The following SVIL variants were observed in gnomAD, a reference collection of about 807,000 sequenced individuals.
SVIL encodes the protein archvillin.
SVIL carries 101 observed loss-of-function variants against 240.4 expected under a neutral mutation model. The observed-to-expected ratio is 0.42, with a 90% confidence interval of 0.36 to 0.50. The LOEUF (loss-of-function observed/expected upper bound fraction) is 0.50, where lower values mean the gene tolerates loss of function less well. Among genes scored for constraint, SVIL ranks in the 20% least tolerant of loss-of-function variants. The pLI is 0.01. For synonymous variants in SVIL, 999 were observed against 1,100.0 expected, an observed-to-expected ratio of 0.91 and a Z score of 1.82; for missense variants, 2,512 against 2,818.7, an observed-to-expected ratio of 0.89 and a Z score of 2.46.
intron 1 of SVIL, among the ~76,000 whole-genome samples, chr10:29,599,224 A>C (rs1589357949): frequency 6.6e-6 from 1 of 152,334 alleles, no homozygotes; most frequent in East Asian, 1.9e-4. Flanking sequence ...GATGAGAGCG[A>C]GGAACCTCAG....
chr10:29,481,133 G>GGGGTGTGTGT (rs573984701), intron 28 of SVIL, among the ~76,000 whole-genome samples: 2 of 141,324 alleles, frequency 1.4e-5, no homozygotes, highest in African/African-American at 5.3e-5. Context: ...TAGCTTTAAG[G>GGGGTGTGTGT]GTGTGTGTGT....
At chr10:29,605,344 T>A (rs959075093) in intron 1 of SVIL, among the ~76,000 whole-genome samples, 1 of 152,226 alleles carries the variant, frequency 6.6e-6, no homozygotes, top group Non-Finnish European at 1.5e-5. Context: ...CGCACCAGTT[T>A]ACATTCCCAT....
chr10:29,624,510 C>T (rs1046247536), intron 1 of SVIL, among the ~76,000 whole-genome samples: 1 of 152,146 alleles, frequency 6.6e-6, no homozygotes, highest in Admixed American at 6.5e-5. Context: ...TCAGCCTGGG[C>T]GACAGAGTGA....
At chr10:29,711,049 A>T (rs1204867959) in intron 1 of SVIL, among the ~76,000 whole-genome samples, 1 of 152,238 alleles carries the variant, frequency 6.6e-6, no homozygotes, top group Non-Finnish European at 1.5e-5. Flanking sequence ...GGAAATAGTC[A>T]AGGAGGCACA....
At chr10:29,642,725 C>T (rs1259372850) in intron 3 of SVIL, among the ~76,000 whole-genome samples, 2 of 152,076 alleles carry the variant, frequency 1.3e-5, no homozygotes, top group Non-Finnish European at 2.9e-5. Flanking sequence ...ACTCTGTCGC[C>T]CAGGCTGGAG....
At chr10:29,512,997 T>C in intron 16 of SVIL, 136 bp from the exon 17 acceptor site, 3 of 1,303,768 alleles carry the variant, frequency 2.3e-6, no homozygotes, top group Non-Finnish European at 3.1e-6. Context: ...TTGAATTTCA[T>C]TTATTCGGAA....
chr10:29,728,886 T>C (rs1263012120), intron 1 of SVIL, among the ~76,000 whole-genome samples: 1 of 151,072 alleles, frequency 6.6e-6, no homozygotes, highest in Non-Finnish European at 1.5e-5. Flanking sequence ...CCAAGGCAAA[T>C]GTGTCCCTAA....
intron 12 of SVIL, among the ~76,000 whole-genome samples, chr10:29,529,090 C>T (rs576094939): frequency 2.1e-5 from 3 of 143,564 alleles, no homozygotes; most frequent in South Asian, 2.2e-4. Flanking sequence ...GCAGGAGAAT[C>T]GCTTGAACCC....
At chr10:29,711,705 A>G (rs1341500929) in intron 1 of SVIL, among the ~76,000 whole-genome samples, 1 of 150,420 alleles carries the variant, frequency 6.6e-6, no homozygotes, top group Non-Finnish European at 1.5e-5. Context: ...GGTTGCAGTG[A>G]GCCGAGATCA....
intron 1 of SVIL, among the ~76,000 whole-genome samples, chr10:29,626,046 G>A (rs545600619): frequency 8.2e-4 from 125 of 152,294 alleles, no homozygotes; most frequent in African/African-American, 2.9e-3. Flanking sequence ...CTGGAGGTAG[G>A]AGAAATTGGA....
chr10:29,502,984 C>T (rs1949018074), intron 17 of SVIL, among the ~76,000 whole-genome samples: 1 of 152,150 alleles, frequency 6.6e-6, no homozygotes, highest in African/African-American at 2.4e-5. Context: ...AACTCTTCCA[C>T]AACCAGAGAG....
intron 1 of SVIL, among the ~76,000 whole-genome samples, chr10:29,726,924 CTTGT>C (rs1964326272): frequency 6.6e-6 from 1 of 152,134 alleles, no homozygotes; most frequent in Admixed American, 6.5e-5. Context: ...AACACCTATG[CTTGT>C]TTATTTACAA....
At chr10:29,526,516 G>C (rs1447217272) in intron 13 of SVIL, among the ~76,000 whole-genome samples, 1 of 151,948 alleles carries the variant, frequency 6.6e-6, no homozygotes, top group African/African-American at 2.4e-5. Flanking sequence ...TGTTGGCCAG[G>C]ACGGTCTCAA....
intron 1 of SVIL, among the ~76,000 whole-genome samples, chr10:29,731,613 A>G (rs1964626727): frequency 6.6e-6 from 1 of 152,228 alleles, no homozygotes; most frequent in African/African-American, 2.4e-5. Flanking sequence ...AAGGTTTTAC[A>G]TATGGAAAAA....
At chr10:29,532,427 C>T in intron 8 of SVIL, 102 bp downstream of exon 8, 2 of 1,478,788 alleles carry the variant, frequency 1.4e-6, no homozygotes, top group Non-Finnish European at 1.8e-6. Context: ...GTGAGCTAAG[C>T]TAATATGATT....
intron 2 of SVIL, among the ~76,000 whole-genome samples, chr10:29,674,249 C>G (rs1416014197): frequency 6.6e-6 from 1 of 152,012 alleles, no homozygotes; most frequent in Non-Finnish European, 1.5e-5. Context: ...TGGGGAGGAT[C>G]ACTTGAACTT....
intron 35 of SVIL, among the ~76,000 whole-genome samples, chr10:29,462,974 A>T (rs1944440514): frequency 6.6e-6 from 1 of 152,254 alleles, no homozygotes; most frequent in South Asian, 2.1e-4. Flanking sequence ...AAAGACTAGA[A>T]ATTTCATGTG....
chr10:29,729,769 G>A (rs923152419), intron 1 of SVIL, among the ~76,000 whole-genome samples: 2 of 144,098 alleles, frequency 1.4e-5, no homozygotes, highest in Admixed American at 7.0e-5. Flanking sequence ...AGGAGGCAGA[G>A]GTTGCAGTGA....
At chr10:29,644,225 A>G (rs1958583390) in intron 3 of SVIL, among the ~76,000 whole-genome samples, 1 of 152,194 alleles carries the variant, frequency 6.6e-6, no homozygotes, top group African/African-American at 2.4e-5. Context: ...TGTTGTTGAC[A>G]TCACAAAGCT....
Sources: gnomAD v4.1 joint callset for allele counts (sites outside exome capture counted in the v4.1 genomes callset) on GRCh38, gnomAD v4.1.1 for gene constraint, MANE v1.5 for transcripts, NCBI Gene and HGNC (gene_info 2026-07-23, HGNC 2026-07-21) for gene names.